The following RBFOX1 variants were observed in gnomAD, a reference collection of about 807,000 sequenced individuals.
RBFOX1 encodes RNA binding fox-1 homolog 1, also known as RNA binding protein fox-1 homolog 1.
In RBFOX1, 8 loss-of-function variants were observed where a neutral mutation model predicts 57.7. That is an observed-to-expected ratio of 0.14 (90% CI 0.08 to 0.25). The LOEUF (loss-of-function observed/expected upper bound fraction) is 0.25, where lower values mean the gene tolerates loss of function less well. Among genes scored for constraint, RBFOX1 ranks in the 10% least tolerant of loss-of-function variants. RBFOX1 has a pLI of 1.00. For synonymous variants in RBFOX1, 326 were observed against 222.4 expected (o/e 1.47, Z -4.15); for missense variants, 611 against 548.5 (o/e 1.11, Z -1.14).
intron 2 of RBFOX1, among the ~76,000 whole-genome samples, chr16:6,523,078 C>T (rs1298940825): frequency 1.3e-5 from 2 of 152,144 alleles, no homozygotes; most frequent in East Asian, 3.9e-4. Context: ...ATATTTACTG[C>T]TCTTTAAAAT....
chr16:5,674,755 C>T (rs1362962885), intron 3 of RBFOX1, among the ~76,000 whole-genome samples: 6 of 152,210 alleles, frequency 3.9e-5, no homozygotes, highest in East Asian at 1.9e-4. Context: ...TTTGTAACTT[C>T]AGATGAGCCA....
intron 3 of RBFOX1, among the ~76,000 whole-genome samples, chr16:6,722,412 A>T (rs575296971): frequency 6.6e-6 from 1 of 152,312 alleles, no homozygotes; most frequent in Non-Finnish European, 1.5e-5. Flanking sequence ...TAGGAAGTAT[A>T]TTATTTGCAG....
chr16:6,646,286 C>T (rs1022376813), intron 2 of RBFOX1, among the ~76,000 whole-genome samples: 1 of 152,140 alleles, frequency 6.6e-6, no homozygotes, highest in African/African-American at 2.4e-5. Context: ...CAGCATTGTT[C>T]AGAAGCAAAT....
At chr16:5,835,168 G>A (rs912208643) in intron 3 of RBFOX1, among the ~76,000 whole-genome samples, 1 of 152,186 alleles carries the variant, frequency 6.6e-6, no homozygotes, top group African/African-American at 2.4e-5. Context: ...GAAGGCAACT[G>A]GCCCAGCCTT....
At chr16:5,322,319 C>T (rs1007939295) in intron 1 of RBFOX1, among the ~76,000 whole-genome samples, 12 of 152,170 alleles carry the variant, frequency 7.9e-5, no homozygotes, top group Non-Finnish European at 1.5e-4. Context: ...CCTCACTCAA[C>T]CTGCCTGCTC....
chr16:6,656,803 T>C (rs2098656706), intron 3 of RBFOX1, among the ~76,000 whole-genome samples: 1 of 152,142 alleles, frequency 6.6e-6, no homozygotes, highest in South Asian at 2.1e-4. Flanking sequence ...GAAAAAATAA[T>C]GCCCAGTTAA....
chr16:7,061,053 CACAT>C (rs1205570386), intron 4 of RBFOX1, among the ~76,000 whole-genome samples: 2 of 151,358 alleles, frequency 1.3e-5, no homozygotes, highest in Admixed American at 1.3e-4. Flanking sequence ...TGCACGTGCA[CACAT>C]ACAAGGAAAA....
At chr16:6,679,044 C>T (rs2058212135) in intron 3 of RBFOX1, among the ~76,000 whole-genome samples, 1 of 152,108 alleles carries the variant, frequency 6.6e-6, no homozygotes, top group African/African-American at 2.4e-5. Flanking sequence ...GCTATTATAT[C>T]TCTAACACCT....
chr16:6,994,546 G>C (rs1046690515), intron 3 of RBFOX1, among the ~76,000 whole-genome samples: 2 of 152,168 alleles, frequency 1.3e-5, no homozygotes, highest in African/African-American at 4.8e-5. Context: ...AGAAGCAAAA[G>C]AAGCCAAAAC....
intron 3 of RBFOX1, among the ~76,000 whole-genome samples, chr16:5,742,212 TTTCCTTCCTCCCTTCCTTCCTTCCTCCC>T (rs140850265): frequency 0.019 from 2,216 of 116,472 alleles, 30 homozygotes; most frequent in East Asian, 0.055. Flanking sequence ...TCCTTCCTCC[TTTCCTTCCTCCCTTCCTTCCTTCCTCCC>T]TTCCTTCCTT....
At chr16:6,884,102 C>G (rs2063488439) in intron 3 of RBFOX1, among the ~76,000 whole-genome samples, 1 of 152,188 alleles carries the variant, frequency 6.6e-6, no homozygotes, top group African/African-American at 2.4e-5. Flanking sequence ...CTGCGATGCG[C>G]TGCAGAAGAA....
chr16:7,377,206 C>T (rs1380409868), intron 4 of RBFOX1, among the ~76,000 whole-genome samples: 1 of 152,016 alleles, frequency 6.6e-6, no homozygotes, highest in East Asian at 1.9e-4. Flanking sequence ...TGTTCTATTC[C>T]ATTCATGGAG....
chr16:7,367,245 CA>C (rs2097471588), intron 4 of RBFOX1, among the ~76,000 whole-genome samples: 1 of 152,148 alleles, frequency 6.6e-6, no homozygotes. Context: ...TAAATCAGCA[CA>C]AAGTGTGCAT....
chr16:7,262,718 C>G (rs113555124), intron 4 of RBFOX1, among the ~76,000 whole-genome samples: 1 of 152,204 alleles, frequency 6.6e-6, no homozygotes, highest in Non-Finnish European at 1.5e-5. Context: ...TTGGTTATCA[C>G]CAAGGAGAGG....
At chr16:5,655,910 A>C (rs1294631618) in intron 3 of RBFOX1, among the ~76,000 whole-genome samples, 2 of 152,214 alleles carry the variant, frequency 1.3e-5, no homozygotes, top group Non-Finnish European at 2.9e-5. Context: ...TAGATTAGGT[A>C]GATCTCCTGC....
chr16:5,640,565 A>C (rs1358986394), intron 3 of RBFOX1, among the ~76,000 whole-genome samples: 3 of 151,840 alleles, frequency 2.0e-5, no homozygotes, highest in Non-Finnish European at 1.5e-5. Flanking sequence ...CCATGCATAC[A>C]TATGCACACA....
chr16:6,360,724 G>A (rs1298655555), intron 2 of RBFOX1, among the ~76,000 whole-genome samples: 2 of 152,174 alleles, frequency 1.3e-5, no homozygotes, highest in Non-Finnish European at 1.5e-5. Context: ...TTTTGCGAAT[G>A]TATGCTCGAA....
intron 3 of RBFOX1, among the ~76,000 whole-genome samples, chr16:6,850,141 C>T (rs2093987192): frequency 6.6e-6 from 1 of 152,144 alleles, no homozygotes; most frequent in Admixed American, 6.5e-5. Context: ...CAAGTTCCTG[C>T]ACCCTAGGGT....
At chr16:7,490,861 C>G (rs533576796) in intron 4 of RBFOX1, among the ~76,000 whole-genome samples, 3 of 152,300 alleles carry the variant, frequency 2.0e-5, no homozygotes, top group African/African-American at 7.2e-5. Flanking sequence ...CTCTCTGATT[C>G]TCATTGTTTT....
Sources: gnomAD v4.1 joint callset for allele counts (sites outside exome capture counted in the v4.1 genomes callset) on GRCh38, gnomAD v4.1.1 for gene constraint, MANE v1.5 for transcripts, NCBI Gene and HGNC (gene_info 2026-07-23, HGNC 2026-07-21) for gene names.